Variants in BNC2 observed in about 807,000 individuals in gnomAD.
The protein encoded by BNC2 is basonuclin zinc finger protein 2.
BNC2 carries 20 observed loss-of-function variants against 76.3 expected under a neutral mutation model. The ratio of observed to expected loss-of-function variants is 0.26; its 90% confidence interval spans 0.18 to 0.38. The LOEUF is 0.38. Ranked by LOEUF, BNC2 falls within the 10% of genes least tolerant of loss-of-function variation. The pLI, the probability that BNC2 is intolerant of heterozygous loss-of-function variation, is 1.00. For missense variants in BNC2, 1,382 were observed against 1,399.8 expected, an observed-to-expected ratio of 0.99 and a Z score of 0.20; for synonymous variants, 582 against 514.8, an observed-to-expected ratio of 1.13 and a Z score of -1.77.
chr9:16,748,937 TATATA>T lies in BNC2; in HGVS notation c.4-10457_4-10453del, dbSNP rs1458393634. Reference sequence around the variant, plus strand: ...ACTTTTTATACTATATATATATATATATATATATATATGAAATTAACAAAATAAAA... The same window carrying T: ...ACTTTTTATACTATATATATATATATTATATATGAAATTAACAAAATAAAA... On this transcript the variant is annotated intron_variant, in intron 1 of 6. Coordinates refer to ENST00000380672, the MANE Select transcript of BNC2 (RefSeq NM_017637.6). Among the ~76,000 whole-genome samples, 126 of 145,842 alleles carry T rather than the reference TATATA, an allele frequency of 8.6e-4. 2 individuals are homozygous for T. In the East Asian group the frequency reaches 0.023, roughly 27 times the overall value.
chr9:16,667,063 C>T (rs1401248129), intron 3 of BNC2, among the ~76,000 whole-genome samples: 3 of 151,104 alleles, frequency 2.0e-5, no homozygotes, highest in Non-Finnish European at 2.9e-5. Flanking sequence ...GAAAAGCACA[C>T]ATCACTCAGA....
chr9:16,582,024 G>A (rs965088450), intron 4 of BNC2, among the ~76,000 whole-genome samples: 1 of 152,088 alleles, frequency 6.6e-6, no homozygotes, highest in Admixed American at 6.5e-5. Context: ...ATGGCCCAGT[G>A]TTGTTACCTC....
intron 1 of BNC2, among the ~76,000 whole-genome samples, chr9:16,778,857 G>C (rs1291970937): frequency 6.6e-6 from 1 of 152,182 alleles, no homozygotes; most frequent in Non-Finnish European, 1.5e-5. Flanking sequence ...GGGAAAGGCA[G>C]CAAGGGTCTG....
intron 5 of BNC2, among the ~76,000 whole-genome samples, chr9:16,455,291 A>G (rs1238300205): frequency 6.6e-6 from 1 of 152,226 alleles, no homozygotes; most frequent in Non-Finnish European, 1.5e-5. Context: ...AGCATCTTTT[A>G]CAGAAGACTT....
At chr9:16,575,486 G>C in intron 4 of BNC2, 1 of 974,048 alleles carries the variant, frequency 1.0e-6, no homozygotes. Context: ...TTTGCGCTGG[G>C]TTTAAAGAAA....
chr9:16,421,375 T>G (rs1292530761), intron 6 of BNC2: 5 of 945,332 alleles, frequency 5.3e-6, no homozygotes, highest in Non-Finnish European at 7.3e-6. Context: ...GAAAACAAAT[T>G]CACATTCTAG....
In BNC2 at chr9:16,551,736, T is replaced by C. The variant is rs190461180; in HGVS notation, c.669+794A>G. Among the ~76,000 whole-genome samples, 25 of 152,290 alleles carry C rather than the reference T, an allele frequency of 1.6e-4. No individual in the cohort carries two copies. The East Asian group carries it at 3.1e-3, about 19-fold the overall frequency. On this transcript the variant is annotated intron_variant, in intron 5 of 6. Coordinates refer to ENST00000380672, the MANE Select transcript of BNC2 (RefSeq NM_017637.6). The stretch of plus-strand genomic sequence containing the variant: ...CCCTCAAGGGTTACAGGAAGACAGA[T>C]AGCCATAAACACATTTCAGAGGCAA...
At chr9:16,605,375 G>C (rs1373036976) in intron 3 of BNC2, among the ~76,000 whole-genome samples, 2 of 152,182 alleles carry the variant, frequency 1.3e-5, no homozygotes, top group Non-Finnish European at 2.9e-5. Context: ...TTCCCTCTTA[G>C]GAGGGTATCA....
At chr9:16,843,348 G>C (rs1213019310) in intron 1 of BNC2, among the ~76,000 whole-genome samples, 1 of 152,200 alleles carries the variant, frequency 6.6e-6, no homozygotes, top group East Asian at 1.9e-4. Flanking sequence ...TTTTGTGTGT[G>C]AGACGGAGTC....
At chr9:16,609,533 C>T (rs1478379356) in intron 3 of BNC2, among the ~76,000 whole-genome samples, 1 of 152,106 alleles carries the variant, frequency 6.6e-6, no homozygotes, top group Admixed American at 6.5e-5. Flanking sequence ...CTGTGTCCAG[C>T]CTGCTAAGGA....
chr9:16,596,914 C>T (rs1289812107), intron 3 of BNC2, among the ~76,000 whole-genome samples: 2 of 152,072 alleles, frequency 1.3e-5, no homozygotes, highest in Non-Finnish European at 2.9e-5. Flanking sequence ...AAAAATATAA[C>T]AGGCTGTAAT....
chr9:16,437,507 C>T lies in BNC2; in HGVS notation c.687G>A (p.Val229=), dbSNP rs912094874. The change falls in exon 6 of 7, where the codon GTG becomes GTA. Residue 229 remains valine, a synonymous_variant. Transcript: ENST00000380672. The stretch of plus-strand genomic sequence containing the variant: ...GAGACATGATGGCCCAGCGGTCCAG[C>T]ACCTTGCCAGCAGCATCCTAGAGGC... ...GYILQDAAGK[V]LDRWAIMSRE... is the part of the protein sequence containing the mutation. The T allele has an allele frequency of 2.5e-6, 4 of 1,612,898 alleles. No individual in the cohort carries two copies. Among genetic ancestry groups the T allele is most frequent in the Non-Finnish European group, 2.5e-6 (3 of 1,179,980 alleles).
intron 4 of BNC2, among the ~76,000 whole-genome samples, chr9:16,562,508 G>A (rs77058853): frequency 6.6e-6 from 1 of 152,252 alleles, no homozygotes; most frequent in African/African-American, 2.4e-5. Flanking sequence ...TAGTAAGGTA[G>A]TTACAGCCTA....
intron 5 of BNC2, among the ~76,000 whole-genome samples, chr9:16,446,191 T>C (rs1821227975): frequency 1.3e-5 from 2 of 152,194 alleles, no homozygotes; most frequent in African/African-American, 4.8e-5. Flanking sequence ...TGGCTCACTC[T>C]TATTATATAC....
At chr9:16,439,883 T>C (rs1821091347) in intron 5 of BNC2, among the ~76,000 whole-genome samples, 1 of 152,164 alleles carries the variant, frequency 6.6e-6, no homozygotes, top group Non-Finnish European at 1.5e-5. Context: ...GTAGATAGAA[T>C]TGGCCTTCAG....
intron 3 of BNC2, among the ~76,000 whole-genome samples, chr9:16,627,267 C>G (rs951252871): frequency 1.3e-5 from 2 of 152,084 alleles, no homozygotes; most frequent in Non-Finnish European, 2.9e-5. Context: ...TTGAAAATAC[C>G]ACCTGTCTCA....
At chr9:16,634,309 T>G (rs1338344150) in intron 3 of BNC2, among the ~76,000 whole-genome samples, 3 of 152,206 alleles carry the variant, frequency 2.0e-5, no homozygotes, top group Non-Finnish European at 4.4e-5. Context: ...GTCCGCTATT[T>G]AAAACATTCT....
chr9:16,825,705 C>A (rs915238507), intron 1 of BNC2, among the ~76,000 whole-genome samples: 3 of 152,130 alleles, frequency 2.0e-5, no homozygotes, highest in Non-Finnish European at 2.9e-5. Context: ...TCCCTCCTAA[C>A]TACTGGCTCT....
At chr9:16,828,437 C>G (rs1358518512) in intron 1 of BNC2, among the ~76,000 whole-genome samples, 1 of 152,140 alleles carries the variant, frequency 6.6e-6, no homozygotes, top group Non-Finnish European at 1.5e-5. Flanking sequence ...TTAATACTGT[C>G]TCTTTAAGTT....
Sources: gnomAD v4.1 joint callset for allele counts (sites outside exome capture counted in the v4.1 genomes callset) on GRCh38, gnomAD v4.1.1 for gene constraint, MANE v1.5 for transcripts, NCBI Gene and HGNC (gene_info 2026-07-23, HGNC 2026-07-21) for gene names.